Variants in SFI1 observed in about 807,000 individuals in gnomAD.
SFI1 encodes the protein protein SFI1 homolog.
In SFI1, 195 loss-of-function variants were observed where a neutral mutation model predicts 207.5. The observed-to-expected ratio is 0.94, with a 90% CI of 0.84 to 1.06. The LOEUF (loss-of-function observed/expected upper bound fraction) is 1.06. SFI1 is among the 50% of genes least tolerant of loss of function. SFI1 has a pLI of 0.00. For missense variants in SFI1, 1,634 were observed against 1,588.0 expected (o/e 1.03, Z -0.49); for synonymous variants, 630 against 598.9 (o/e 1.05, Z -0.76).
chr22:31,520,921 G>C lies in SFI1; in HGVS notation c.93-7769G>C, dbSNP rs1055439206. Among the ~76,000 whole-genome samples the C allele has an allele frequency of 4.7e-5, 7 of 148,936 alleles. No individual in the cohort carries two copies. In the South Asian group the frequency reaches 1.3e-3, roughly 27 times the overall value. Reference sequence around the variant, plus strand: ...CAGGAGTCTAAAGTGGGAGGATCACGTGAGCCTGGGAGACTAAGGCTGTGT... The same window carrying C: ...CAGGAGTCTAAAGTGGGAGGATCACCTGAGCCTGGGAGACTAAGGCTGTGT... On this transcript the variant is annotated intron_variant, in intron 2 of 32. Transcript: ENST00000400288.
chr22:31,526,373 T>C (rs1290262034), intron 2 of SFI1, among the ~76,000 whole-genome samples: 4 of 152,056 alleles, frequency 2.6e-5, no homozygotes, highest in Admixed American at 2.6e-4. Context: ...CAGGGTGAAG[T>C]GGGGGAAAGC....
intron 6 of SFI1, among the ~76,000 whole-genome samples, chr22:31,553,529 A>ATTTTTTTTTTTTTTTTTTTTTTTTTTTTT (rs71202096): frequency 1.2e-5 from 1 of 82,652 alleles, no homozygotes; most frequent in Non-Finnish European, 2.4e-5. Context: ...TAATTTTTGT[A>ATTTTTTTTTTTTTTTTTTTTTTTTTTTTT]TTTTTTTTTT....
chr22:31,553,144 A>G (rs1197141954), intron 6 of SFI1, among the ~76,000 whole-genome samples: 2 of 152,284 alleles, frequency 1.3e-5, no homozygotes, highest in East Asian at 1.9e-4. Context: ...CACCCAGCCT[A>G]ACTTTTTAAT....
At chr22:31,593,998 GA>G (rs2066629738) in intron 15 of SFI1, among the ~76,000 whole-genome samples, 4 of 83,600 alleles carry the variant, frequency 4.8e-5, no homozygotes, top group Admixed American at 2.2e-4. Context: ...GAGGGAGAGG[GA>G]GAGGGACAGG....
At chr22:31,580,419 T>G (rs2063979686) in intron 12 of SFI1, 55 bp downstream of exon 12, 3 of 1,461,224 alleles carry the variant, frequency 2.1e-6, no homozygotes, top group Admixed American at 3.8e-5. Flanking sequence ...TCTCTCTCGC[T>G]CTTTTTTTCA....
intron 31 of SFI1, 54 bp from the exon 32 acceptor site, chr22:31,618,061 T>G: frequency 3.3e-6 from 5 of 1,524,536 alleles, no homozygotes; most frequent in Non-Finnish European, 4.4e-6. Flanking sequence ...CTGAGCCGGA[T>G]GGGGCTCTGC....
intron 4 of SFI1, among the ~76,000 whole-genome samples, chr22:31,533,267 C>T (rs1349300124): frequency 6.6e-6 from 1 of 152,188 alleles, no homozygotes; most frequent in Non-Finnish European, 1.5e-5. Context: ...GTGGCTCCTG[C>T]CTGTAATCCT....
chr22:31,611,044 A>G, intron 22 of SFI1, 99 bp from the exon 23 acceptor site: 1 of 1,508,872 alleles, frequency 6.6e-7, no homozygotes, highest in Non-Finnish European at 9.2e-7. Context: ...CCTGAACTCT[A>G]TCCCTGCACA....
At chr22:31,519,095 G>A (rs568515269) in intron 2 of SFI1, among the ~76,000 whole-genome samples, 1 of 152,084 alleles carries the variant, frequency 6.6e-6, no homozygotes, top group African/African-American at 2.4e-5. Context: ...TAGCAAATAC[G>A]TTGTAATGCT....
intron 8 of SFI1, among the ~76,000 whole-genome samples, chr22:31,569,209 G>A (rs1296367905): frequency 6.6e-6 from 1 of 152,054 alleles, no homozygotes; most frequent in Admixed American, 6.6e-5. Flanking sequence ...ATAGATCTAG[G>A]AAGCCATCAC....
At chr22:31,580,395 CT>C in intron 12 of SFI1, 31 bp downstream of exon 12, 6 of 1,538,684 alleles carry the variant, frequency 3.9e-6, no homozygotes, top group Non-Finnish European at 5.4e-6. Flanking sequence ...CAAGGGACCT[CT>C]TCTGAAGGCC....
At chr22:31,559,360 T>C (rs2061455651) in intron 7 of SFI1, 1 of 247,318 alleles carries the variant, frequency 4.0e-6, no homozygotes, top group Non-Finnish European at 7.9e-6. Context: ...AAGGCAGACG[T>C]TGCAGTGAGT....
chr22:31,501,240 T>A (rs1006306496), intron 1 of SFI1, among the ~76,000 whole-genome samples: 7 of 151,624 alleles, frequency 4.6e-5, no homozygotes, highest in Admixed American at 1.3e-4. Context: ...GGCGTGATCT[T>A]GGCTCACTGC....
chr22:31,534,506 T>G (rs2058794291), intron 4 of SFI1, among the ~76,000 whole-genome samples: 1 of 152,138 alleles, frequency 6.6e-6, no homozygotes, highest in Admixed American at 6.6e-5. Context: ...GGTATTCTCT[T>G]TCGGGTAGGT....
intron 14 of SFI1, among the ~76,000 whole-genome samples, chr22:31,586,088 C>T (rs926111858): frequency 6.6e-6 from 1 of 152,106 alleles, no homozygotes; most frequent in African/African-American, 2.4e-5. Context: ...GTTTCTCTCC[C>T]CTTTCCTGTT....
At chr22:31,616,706 A>G (rs774025827) in intron 29 of SFI1, 39 bp from the exon 30 acceptor site, 2 of 1,503,722 alleles carry the variant, frequency 1.3e-6, no homozygotes, top group Non-Finnish European at 1.8e-6. Flanking sequence ...GCTTCCTCCT[A>G]GCTTCCTTGC....
At chr22:31,506,808 T>G (rs193254897) in intron 1 of SFI1, among the ~76,000 whole-genome samples, 26 of 152,072 alleles carry the variant, frequency 1.7e-4, no homozygotes, top group Non-Finnish European at 2.4e-4. Flanking sequence ...ACAAGGGAAG[T>G]GAAAGACCTC....
intron 6 of SFI1, 98 bp from the exon 7 acceptor site, chr22:31,556,844 G>A: frequency 1.3e-6 from 1 of 749,844 alleles, no homozygotes; most frequent in South Asian, 2.0e-5. Context: ...AGGCTGGAGG[G>A]ATTTAGGTAT....
chr22:31,606,125 T>C (rs1603336551), intron 20 of SFI1: 1 of 578,910 alleles, frequency 1.7e-6, no homozygotes, highest in Non-Finnish European at 3.1e-6. Flanking sequence ...CATGCACTCT[T>C]GGTGCCCAGC....
Sources: allele counts gnomAD v4.1 joint callset (sites outside exome capture counted in the v4.1 genomes callset), GRCh38; gene constraint gnomAD v4.1.1; transcripts MANE v1.5; gene names NCBI Gene and HGNC (gene_info 2026-07-23, HGNC 2026-07-21).